The following DOCK2 variants were observed in gnomAD, a reference collection of about 807,000 sequenced individuals.
The protein encoded by DOCK2 is dedicator of cytokinesis 2, also known as dedicator of cytokinesis protein 2.
A neutral mutation model predicts 248.9 loss-of-function variants in DOCK2; 87 were observed. That is an observed-to-expected ratio of 0.35 (90% CI 0.29 to 0.42). The LOEUF (loss-of-function observed/expected upper bound fraction) is 0.42, where lower values mean the gene tolerates loss of function less well. DOCK2 is among the 10% of genes least tolerant of loss of function. The pLI is 1.00. For missense variants in DOCK2, 1,747 were observed against 2,300.2 expected (o/e 0.76, Z 4.92); for synonymous variants, 805 against 821.6 (o/e 0.98, Z 0.35).
chr5:169,706,138 T>C (rs548512521), intron 14 of DOCK2, among the ~76,000 whole-genome samples: 13 of 152,386 alleles, frequency 8.5e-5, no homozygotes, highest in African/African-American at 3.1e-4. Context: ...CTCTGACTGG[T>C]ACTGAGACTT....
chr5:170,032,701 T>G (rs1756183157), intron 34 of DOCK2, among the ~76,000 whole-genome samples: 1 of 152,204 alleles, frequency 6.6e-6, no homozygotes. Flanking sequence ...CATCTCCCAT[T>G]GAGAGCCAGG....
chr5:169,956,829 C>A (rs1776885097), intron 27 of DOCK2, among the ~76,000 whole-genome samples: 2 of 152,106 alleles, frequency 1.3e-5, no homozygotes, highest in Non-Finnish European at 2.9e-5. Flanking sequence ...TTTCAAGGTT[C>A]CTTTCAGACC....
At chr5:169,924,131 G>A (rs1053905908) in intron 27 of DOCK2, among the ~76,000 whole-genome samples, 2 of 152,280 alleles carry the variant, frequency 1.3e-5, no homozygotes, top group South Asian at 2.1e-4. Context: ...GCACCTGCAT[G>A]CTCCCAGTCT....
At chr5:169,706,482 G>A (rs1210072221) in intron 14 of DOCK2, among the ~76,000 whole-genome samples, 1 of 152,230 alleles carries the variant, frequency 6.6e-6, no homozygotes, top group Non-Finnish European at 1.5e-5. Flanking sequence ...AAATGGGGAT[G>A]CTGACAGTAA....
chr5:169,903,968 T>A (rs1333305775), intron 27 of DOCK2, among the ~76,000 whole-genome samples: 1 of 151,568 alleles, frequency 6.6e-6, no homozygotes, highest in Non-Finnish European at 1.5e-5. Context: ...GGCGTGGTCC[T>A]GTAATCCCAG....
intron 27 of DOCK2, among the ~76,000 whole-genome samples, 161 bp downstream of exon 27, chr5:169,841,013 A>G (rs762032735): frequency 6.6e-6 from 1 of 152,180 alleles, no homozygotes. Flanking sequence ...AGGACTTGAG[A>G]ATTAACTCAA....
chr5:169,933,258 T>C (rs1351103790), intron 27 of DOCK2, among the ~76,000 whole-genome samples: 1 of 152,214 alleles, frequency 6.6e-6, no homozygotes, highest in Non-Finnish European at 1.5e-5. Flanking sequence ...TTGGAGTGCA[T>C]CAGGTTAGCC....
chr5:169,638,990 T>C (rs1757004343), intron 1 of DOCK2, among the ~76,000 whole-genome samples: 1 of 152,132 alleles, frequency 6.6e-6, no homozygotes, highest in African/African-American at 2.4e-5. Flanking sequence ...AAGTAGTCTG[T>C]TTTGGTTTTA....
intron 25 of DOCK2, among the ~76,000 whole-genome samples, chr5:169,774,409 A>G (rs569241105): frequency 6.6e-6 from 1 of 152,302 alleles, no homozygotes; most frequent in South Asian, 2.1e-4. Context: ...AGGTGAGGAA[A>G]CTGATAAGGA....
At chr5:169,904,567 G>A (rs941699357) in intron 27 of DOCK2, among the ~76,000 whole-genome samples, 3 of 152,032 alleles carry the variant, frequency 2.0e-5, no homozygotes, top group Non-Finnish European at 4.4e-5. Context: ...GAGTGCTGGC[G>A]ACCTCAGCAG....
At chr5:169,759,095 A>G (rs1430520826) in intron 23 of DOCK2, among the ~76,000 whole-genome samples, 2 of 152,158 alleles carry the variant, frequency 1.3e-5, no homozygotes, top group African/African-American at 4.8e-5. Flanking sequence ...TGCATCAGTT[A>G]CTTTAAGAGA....
chr5:169,644,753 T>A (rs369454867), intron 1 of DOCK2, among the ~76,000 whole-genome samples: 5 of 151,994 alleles, frequency 3.3e-5, no homozygotes, highest in African/African-American at 9.7e-5. Flanking sequence ...TTAAGCCCCA[T>A]ATGCATTAGC....
At chr5:170,041,929 T>G (rs1581550021) in intron 37 of DOCK2, 84 bp from the exon 38 acceptor site, 21 of 1,488,038 alleles carry the variant, frequency 1.4e-5, no homozygotes, top group African/African-American at 2.8e-5. Context: ...GTTGGCAGGG[T>G]GGTTCCTGCC....
chr5:169,970,636 A>G (rs1393558983), intron 27 of DOCK2, among the ~76,000 whole-genome samples: 1 of 152,222 alleles, frequency 6.6e-6, no homozygotes, highest in African/African-American at 2.4e-5. Context: ...CATCCTCCCC[A>G]TCAGCTCTCT....
intron 1 of DOCK2, among the ~76,000 whole-genome samples, chr5:169,641,738 C>T (rs977170422): frequency 6.6e-6 from 1 of 152,186 alleles, no homozygotes; most frequent in African/African-American, 2.4e-5. Flanking sequence ...TCCCCACCAC[C>T]TCCCTCTGAT....
chr5:169,702,616 T>G (rs1761042789), intron 14 of DOCK2, 189 bp downstream of exon 14: 1 of 679,822 alleles, frequency 1.5e-6, no homozygotes, highest in African/African-American at 1.8e-5. Context: ...TTGTGATATT[T>G]CCTTACACCA....
chr5:169,845,625 T>G (rs1241915522), intron 27 of DOCK2, among the ~76,000 whole-genome samples: 1 of 152,216 alleles, frequency 6.6e-6, no homozygotes, highest in Non-Finnish European at 1.5e-5. Context: ...TCAACAAATG[T>G]GTTTTCTAAA....
intron 33 of DOCK2, 55 bp from the exon 34 acceptor site, chr5:170,027,808 T>C (rs1331015667): frequency 1.3e-6 from 2 of 1,527,812 alleles, no homozygotes; most frequent in African/African-American, 2.7e-5. Context: ...AATTGACTAA[T>C]TTCAGCCCTC....
intron 38 of DOCK2, among the ~76,000 whole-genome samples, chr5:170,044,077 C>T (rs1318496598): frequency 6.6e-6 from 1 of 152,214 alleles, no homozygotes; most frequent in Non-Finnish European, 1.5e-5. Context: ...TAGAAGGAAG[C>T]CCAAACTCCT....
Sources: gnomAD v4.1 joint callset for allele counts (sites outside exome capture counted in the v4.1 genomes callset) on GRCh38, gnomAD v4.1.1 for gene constraint, MANE v1.5 for transcripts, NCBI Gene and HGNC (gene_info 2026-07-23, HGNC 2026-07-21) for gene names.